PTPN14: variants seen among roughly 807,000 people sequenced by gnomAD.
PTPN14 encodes protein tyrosine phosphatase non-receptor type 14.
A neutral mutation model predicts 126.8 loss-of-function variants in PTPN14; 53 were observed. That is an observed-to-expected ratio of 0.42 (90% confidence interval 0.34 to 0.53). The LOEUF is 0.53. Among genes scored for constraint, PTPN14 ranks in the 20% least tolerant of loss-of-function variants. The pLI, the probability that PTPN14 is intolerant of heterozygous loss-of-function variation, is 0.08. For synonymous variants in PTPN14, 630 were observed against 599.3 expected (o/e 1.05, Z -0.75); for missense variants, 1,257 against 1,552.9 (o/e 0.81, Z 3.20).
Position 214,551,264 on chromosome 1 carries a change from A to G in PTPN14, c.-236T>C, listed in dbSNP as rs1490756830. ...CGGCGGCGGAGCCGATTCCCCACGG[A>G]ATTGATTCCAGTGACTGGCGGAGGA... On this transcript the variant is annotated 5_prime_UTR_variant, in exon 1 of 19. Transcript: ENST00000366956. 2 of 152,556 alleles carry G rather than the reference A, an allele frequency of 1.3e-5. No homozygotes were observed. Among genetic ancestry groups the G allele is most frequent in the Non-Finnish European group, 2.9e-5 (2 of 68,310 alleles). 9.5% of individuals were successfully genotyped at this position (152,556 alleles called of 1,614,324 possible).
intron 1 of PTPN14, among the ~76,000 whole-genome samples, chr1:214,496,800 C>A (rs371934201): frequency 6.6e-6 from 1 of 152,032 alleles, no homozygotes; most frequent in African/African-American, 2.4e-5. Context: ...TTCCACAGAA[C>A]TGCTTTGGTA....
chr1:214,467,926 A>G (rs60157872), intron 1 of PTPN14, among the ~76,000 whole-genome samples: 2,294 of 152,338 alleles, frequency 0.015, 62 homozygotes, highest in African/African-American at 0.052. Flanking sequence ...AGTCAATGTC[A>G]TGAAACAAAA....
rs138647923 is a variant in PTPN14 at position 214,503,003 on chromosome 1, T to C, written c.-154-38046A>G. Among the ~76,000 whole-genome samples, 606 of 152,248 alleles carry C rather than the reference T, an allele frequency of 4.0e-3. 8 individuals carry two copies. Among genetic ancestry groups the C allele is most frequent in the African/African-American group, 0.013 (534 of 41,552 alleles). On this transcript the variant is annotated intron_variant, in intron 1 of 18. Transcript: ENST00000366956. ...TATTACCAGCCTAACTCTACAAAAGTTGACAAAGTATCTCTAAAGGAAATT... is the reference window on the plus strand; with the variant it reads ...TATTACCAGCCTAACTCTACAAAAGCTGACAAAGTATCTCTAAAGGAAATT...
At chr1:214,391,704 T>TTAA (rs33967619) in intron 10 of PTPN14, among the ~76,000 whole-genome samples, 1 of 139,318 alleles carries the variant, frequency 7.2e-6, no homozygotes, top group African/African-American at 2.6e-5. Flanking sequence ...AGTGTTACCA[T>TTAA]AAAAAAAAAA....
At chr1:214,546,379 T>C (rs1474590304) in intron 1 of PTPN14, among the ~76,000 whole-genome samples, 1 of 152,156 alleles carries the variant, frequency 6.6e-6, no homozygotes, top group East Asian at 1.9e-4. Context: ...CCCCCAGAGG[T>C]GAATTTCCAA....
chr1:214,478,895 A>G (rs888108217), intron 1 of PTPN14, among the ~76,000 whole-genome samples: 18 of 152,190 alleles, frequency 1.2e-4, no homozygotes, highest in East Asian at 1.9e-4. Flanking sequence ...ATAAGTAACA[A>G]TAGTCAATTA....
At chr1:214,502,149 A>G (rs1181111619) in intron 1 of PTPN14, among the ~76,000 whole-genome samples, 1 of 152,032 alleles carries the variant, frequency 6.6e-6, no homozygotes, top group African/African-American at 2.4e-5. Context: ...TTTAATGCAT[A>G]GAACTGAATT....
chr1:214,378,584 A>C (rs1425672022), intron 13 of PTPN14, among the ~76,000 whole-genome samples: 1 of 152,218 alleles, frequency 6.6e-6, no homozygotes, highest in African/African-American at 2.4e-5. Flanking sequence ...ACTGTAGAGG[A>C]AAATCTTCCT....
At chr1:214,395,127 ACG>A in intron 8 of PTPN14, 141 bp from the exon 9 acceptor site, 1 of 781,398 alleles carries the variant, frequency 1.3e-6, no homozygotes, top group East Asian at 2.6e-5. Context: ...GTTCTTTCAA[ACG>A]AGAAAAGAAA....
chr1:214,367,088 C>T (rs1658099672), intron 17 of PTPN14, among the ~76,000 whole-genome samples: 1 of 152,116 alleles, frequency 6.6e-6, no homozygotes, highest in African/African-American at 2.4e-5. Context: ...TATAAGCTCA[C>T]TCTTTCATCA....
At chr1:214,449,301 C>T (rs1052864457) in intron 3 of PTPN14, among the ~76,000 whole-genome samples, 44 of 152,254 alleles carry the variant, frequency 2.9e-4, no homozygotes, top group African/African-American at 1.0e-3. Context: ...CCACCGCGCC[C>T]GGCCGACTTA....
At chr1:214,455,783 T>A (rs1157789331) in intron 2 of PTPN14, among the ~76,000 whole-genome samples, 1 of 152,178 alleles carries the variant, frequency 6.6e-6, no homozygotes, top group Non-Finnish European at 1.5e-5. Context: ...TACTAAAAAA[T>A]CGGCTAGTTT....
intron 3 of PTPN14, among the ~76,000 whole-genome samples, chr1:214,433,275 A>G (rs2102610030): frequency 7.0e-6 from 1 of 142,514 alleles, no homozygotes; most frequent in South Asian, 2.4e-4. Context: ...TACTAGCACA[A>G]AGACAACAAT....
rs373733181 is a variant in PTPN14 at position 214,371,210 on chromosome 1, T to C, written c.3036+1501A>G. On this transcript the variant is annotated intron_variant, in intron 16 of 18. Coordinates refer to ENST00000366956, the MANE Select transcript of PTPN14 (RefSeq NM_005401.5). ...CTCAGAGGGTCCTTGGCCACCCCCCTGATCTAAAGTAGACCCCAGTCACTC... is the reference window on the plus strand; with the variant it reads ...CTCAGAGGGTCCTTGGCCACCCCCCCGATCTAAAGTAGACCCCAGTCACTC... 1.8e-3 allele frequency among the ~76,000 whole-genome samples: 269 copies of C among 152,276 alleles called. 13 individuals are homozygous for C. The South Asian group carries it at 0.051, about 29-fold the overall frequency.
chr1:214,421,901 T>C (rs1168312905), intron 3 of PTPN14, among the ~76,000 whole-genome samples: 1 of 152,094 alleles, frequency 6.6e-6, no homozygotes, highest in Non-Finnish European at 1.5e-5. Flanking sequence ...CCAAACCCTC[T>C]CAACAAGTTA....
intron 1 of PTPN14, among the ~76,000 whole-genome samples, chr1:214,479,172 C>T (rs942624443): frequency 6.6e-6 from 1 of 151,850 alleles, no homozygotes; most frequent in South Asian, 2.1e-4. Flanking sequence ...AAAGCAAGAC[C>T]CACATCTCTA....
chr1:214,511,306 A>G (rs887048691), intron 1 of PTPN14, among the ~76,000 whole-genome samples: 1 of 152,218 alleles, frequency 6.6e-6, no homozygotes, highest in African/African-American at 2.4e-5. Flanking sequence ...ATACGTTTTT[A>G]TAACTCTTCA....
rs749217187 is a variant in PTPN14 at position 214,372,739 on chromosome 1, T to A, written c.3008A>T (p.Asn1003Ile). 8 of 1,614,016 alleles carry A rather than the reference T, an allele frequency of 5.0e-6. No homozygotes were observed. Among genetic ancestry groups the A allele is most frequent in the Non-Finnish European group, 5.1e-6 (6 of 1,179,912 alleles). The stretch of plus-strand genomic sequence containing the variant: ...CTCTGCAGTGACCATGGCAATCACA[T>A]TCACTCCCTGCTCCCACACCATCTG... ...FWQMVWEQGV[N>I]VIAMVTAEEE... Residue 1003 changes from asparagine to isoleucine, a missense_variant, in exon 16 of 19, where the codon AAT becomes ATT. Asn to Ile is a moderately radical substitution (Grantham distance 149, BLOSUM62 -3). This residue lies in a region of PTPN14 where 65 missense variants were observed against 139.7 expected (regional missense o/e 0.47). Coordinates refer to ENST00000366956, the MANE Select transcript of PTPN14 (RefSeq NM_005401.5).
chr1:214,532,978 G>T, intron 1 of PTPN14: 1 of 767,832 alleles, frequency 1.3e-6, no homozygotes, highest in Non-Finnish European at 2.4e-6. Flanking sequence ...AGAGGAGCTG[G>T]ACAAGTGCTG....
Sources: gnomAD v4.1 joint callset for allele counts (sites outside exome capture counted in the v4.1 genomes callset) on GRCh38, gnomAD v4.1.1 for gene constraint, gnomAD v4.1.1 regional missense constraint, MANE v1.5 for transcripts, NCBI Gene and HGNC (gene_info 2026-07-23, HGNC 2026-07-21) for gene names.